NAV3: variants seen among roughly 807,000 people sequenced by gnomAD.
The protein encoded by NAV3 is pore membrane and/or filament interacting like protein 1.
A neutral mutation model predicts 244.7 loss-of-function variants in NAV3; 87 were observed. That is an observed-to-expected ratio of 0.36 (90% CI 0.30 to 0.42). The LOEUF is 0.42. Ranked by LOEUF, NAV3 falls within the 20% of genes least tolerant of loss-of-function variation. The pLI is 1.00. For missense variants in NAV3, 2,663 were observed against 2,893.3 expected (o/e 0.92, Z 1.83); for synonymous variants, 1,126 against 1,042.2 (o/e 1.08, Z -1.55).
intron 8 of NAV3, among the ~76,000 whole-genome samples, chr12:78,009,479 A>G (rs1161003550): frequency 1.3e-5 from 2 of 151,180 alleles, no homozygotes; most frequent in African/African-American, 4.9e-5. Context: ...AAAGAGAAAA[A>G]AAGGGCGATA....
intron 1 of NAV3, among the ~76,000 whole-genome samples, chr12:77,856,171 A>G (rs1239203473): frequency 6.6e-6 from 1 of 152,106 alleles, no homozygotes. Context: ...TTACCAATGG[A>G]TATATATAAG....
chr12:78,188,497 T>C (rs1350464825), intron 32 of NAV3, 112 bp from the exon 33 acceptor site: 1 of 1,197,854 alleles, frequency 8.3e-7, no homozygotes, highest in Non-Finnish European at 1.2e-6. Flanking sequence ...GTTCTTATAT[T>C]ACCCATTTCT....
chr12:78,182,969 G>A (rs1958562910), intron 30 of NAV3, among the ~76,000 whole-genome samples: 1 of 151,914 alleles, frequency 6.6e-6, no homozygotes, highest in African/African-American at 2.4e-5. Flanking sequence ...AAGTAGGCAG[G>A]AGAGAGGATA....
intron 1 of NAV3, among the ~76,000 whole-genome samples, chr12:77,884,858 G>A (rs528023860): frequency 1.8e-4 from 28 of 152,136 alleles, no homozygotes; most frequent in African/African-American, 6.3e-4. Context: ...GATGTTCACC[G>A]TTAATTTAGT....
chr12:78,090,157 A>G (rs1262365322), intron 12 of NAV3, among the ~76,000 whole-genome samples: 1 of 150,378 alleles, frequency 6.6e-6, no homozygotes, highest in Non-Finnish European at 1.5e-5. Flanking sequence ...GCCCAAATAC[A>G]TACATATATA....
At chr12:77,687,863 G>A (rs755791863) in intron 2 of NAV3, among the ~76,000 whole-genome samples, 15 of 151,992 alleles carry the variant, frequency 9.9e-5, no homozygotes, top group Non-Finnish European at 2.1e-4. Context: ...ATATCATATA[G>A]GGATTTTAAC....
intron 22 of NAV3, among the ~76,000 whole-genome samples, chr12:78,158,351 A>C (rs1457651626): frequency 6.6e-6 from 1 of 152,190 alleles, no homozygotes; most frequent in Non-Finnish European, 1.5e-5. Context: ...TGAGAGATTG[A>C]AGTGCCTCTT....
chr12:77,621,205 G>A (rs1321055858), intron 2 of NAV3, among the ~76,000 whole-genome samples: 3 of 152,116 alleles, frequency 2.0e-5, no homozygotes, highest in African/African-American at 7.2e-5. Context: ...ATATTTTCTA[G>A]ATCAAGCACT....
chr12:77,901,164 T>A (rs1186878686), intron 1 of NAV3, among the ~76,000 whole-genome samples: 1 of 152,226 alleles, frequency 6.6e-6, no homozygotes, highest in Non-Finnish European at 1.5e-5. Flanking sequence ...TTTCTCCCAT[T>A]TTATAGATTG....
At chr12:77,809,859 C>A (rs1872194033) in intron 2 of NAV3, among the ~76,000 whole-genome samples, 1 of 152,044 alleles carries the variant, frequency 6.6e-6, no homozygotes. Context: ...ATCAGTTTGA[C>A]CTTAGTGTTT....
chr12:78,021,038 A>AC (rs988150526), intron 8 of NAV3, among the ~76,000 whole-genome samples: 9 of 152,160 alleles, frequency 5.9e-5, no homozygotes, highest in African/African-American at 2.2e-4. Context: ...TAAAATATTT[A>AC]CCCATGCATA....
intron 2 of NAV3, among the ~76,000 whole-genome samples, chr12:77,727,841 A>G (rs1462286233): frequency 2.0e-5 from 3 of 151,948 alleles, no homozygotes; most frequent in Admixed American, 2.0e-4. Flanking sequence ...TGTATTACAT[A>G]ATGGACAACT....
intron 12 of NAV3, 111 bp from the exon 13 acceptor site, chr12:78,116,660 AT>A (rs1955394153): frequency 2.5e-6 from 3 of 1,188,928 alleles, no homozygotes; most frequent in Admixed American, 3.2e-5. Context: ...TTCATAAGAT[AT>A]TTTTTAAAAG....
intron 2 of NAV3, among the ~76,000 whole-genome samples, chr12:77,791,531 G>A (rs1459863374): frequency 6.6e-6 from 1 of 152,074 alleles, no homozygotes; most frequent in Non-Finnish European, 1.5e-5. Flanking sequence ...TGAGTATATT[G>A]TCTCATTTAA....
At chr12:77,692,614 C>G (rs1478969922) in intron 2 of NAV3, among the ~76,000 whole-genome samples, 1 of 152,042 alleles carries the variant, frequency 6.6e-6, no homozygotes, top group East Asian at 1.9e-4. Context: ...AATAAAGGTG[C>G]TGAGCTGCTA....
At chr12:77,834,962 C>G (rs1874368268) in intron 1 of NAV3, among the ~76,000 whole-genome samples, 1 of 151,970 alleles carries the variant, frequency 6.6e-6, no homozygotes, top group Admixed American at 6.6e-5. Context: ...GACTTGGCTG[C>G]AAAAGCAGAA....
intron 12 of NAV3, among the ~76,000 whole-genome samples, chr12:78,106,972 T>G (rs542934901): frequency 6.6e-6 from 1 of 152,096 alleles, no homozygotes; most frequent in Non-Finnish European, 1.5e-5. Context: ...AAAGAAATCA[T>G]AGAGAGACTA....
chr12:78,137,809 A>C (rs923425403), intron 19 of NAV3, among the ~76,000 whole-genome samples: 3 of 152,168 alleles, frequency 2.0e-5, no homozygotes, highest in African/African-American at 7.2e-5. Flanking sequence ...ATCATTTTAG[A>C]ATTCATATTG....
rs1876672442 is a variant in NAV3 at position 77,846,570 on chromosome 12, A to AT, written c.243+14870dup. The stretch of plus-strand genomic sequence containing the variant: ...TCGAGTTATGAGTCCAATTTCCTTG[A>AT]TTTTCTCCTTGATTTCATTCTAGTT... On this transcript the variant is annotated intron_variant, in intron 1 of 39. Coordinates refer to ENST00000397909, the MANE Select transcript of NAV3 (RefSeq NM_001024383.2). Among the ~76,000 whole-genome samples, 3 of 151,946 alleles carry AT rather than the reference A, an allele frequency of 2.0e-5. No individual in the cohort carries two copies. The South Asian group carries it at 6.2e-4, about 31-fold the overall frequency.
Sources: allele counts gnomAD v4.1 joint callset (sites outside exome capture counted in the v4.1 genomes callset), GRCh38; gene constraint gnomAD v4.1.1; transcripts MANE v1.5; gene names NCBI Gene and HGNC (gene_info 2026-07-23, HGNC 2026-07-21).